The following ZNF235 variants were observed in gnomAD, a reference collection of about 807,000 sequenced individuals.
ZNF235 encodes the protein zinc finger protein 235, also known as zfp-93.
In ZNF235, 25 loss-of-function variants were observed where a neutral mutation model predicts 29.4. The ratio of observed to expected loss-of-function variants is 0.85; its 90% CI spans 0.62 to 1.19. The LOEUF (loss-of-function observed/expected upper bound fraction) is 1.19, where lower values mean the gene tolerates loss of function less well. Ranked by LOEUF, ZNF235 falls within the 50% of genes most tolerant of loss-of-function variation. The pLI is 0.00. For missense variants in ZNF235, 788 were observed against 885.0 expected (o/e 0.89, Z 1.39); for synonymous variants, 300 against 295.3 (o/e 1.02, Z -0.16).
At chr19:44,293,243 T>C (rs1282445393) in intron 4 of ZNF235, among the ~76,000 whole-genome samples, 2 of 152,202 alleles carry the variant, frequency 1.3e-5, no homozygotes, top group South Asian at 2.1e-4. Flanking sequence ...TAGAAAAAGA[T>C]ATTCCATGCA....
chr19:44,298,767 A>G, intron 4 of ZNF235, 41 bp downstream of exon 4: 1 of 1,412,976 alleles, frequency 7.1e-7, no homozygotes, highest in East Asian at 2.3e-5. Flanking sequence ...TAAAGGAAAA[A>G]TAACAGCTGT....
At chr19:44,303,002 A>G (rs1975771073) in intron 2 of ZNF235, among the ~76,000 whole-genome samples, 5 of 135,716 alleles carry the variant, frequency 3.7e-5, no homozygotes, top group East Asian at 2.0e-4. Flanking sequence ...ATATATACAT[A>G]TATACGTATA....
chr19:44,287,753 T>C lies in ZNF235; in HGVS notation c.1682A>G (p.His561Arg). ...RFNWSLNLHN[H>R]QRVHTGEKPY... Reference sequence around the variant, plus strand: ...TTTCTCTCCGGTGTGGACTCTCTGATGATTGTGAAGATTCAAGCTCCAATT... The same window carrying C: ...TTTCTCTCCGGTGTGGACTCTCTGACGATTGTGAAGATTCAAGCTCCAATT... The change falls in exon 5 of 5, where the codon CAT becomes CGT. Residue 561 changes from histidine (H) to arginine (R), a missense_variant. Transcript: ENST00000291182. 1 of 1,614,128 alleles carries C rather than the reference T, an allele frequency of 6.2e-7. No homozygotes were observed. The highest frequency in any genetic ancestry group is 8.5e-7 in the Non-Finnish European group (1 of 1,180,018).
chr19:44,301,628 G>A (rs940266524), intron 2 of ZNF235, among the ~76,000 whole-genome samples: 5 of 151,984 alleles, frequency 3.3e-5, no homozygotes, highest in South Asian at 2.1e-4. Flanking sequence ...GCGCCACCAC[G>A]CCCAGCTAAT....
intron 4 of ZNF235, among the ~76,000 whole-genome samples, chr19:44,291,823 T>C (rs185999509): frequency 2.9e-4 from 44 of 152,044 alleles, no homozygotes; most frequent in Admixed American, 1.8e-3. Context: ...ACCAAACATA[T>C]AAGGAAGAAA....
intron 4 of ZNF235, among the ~76,000 whole-genome samples, chr19:44,293,579 C>G (rs1445642648): frequency 5.9e-5 from 9 of 152,014 alleles, no homozygotes; most frequent in Admixed American, 5.9e-4. Context: ...ATGGAGCTAA[C>G]AGACATTTAC....
chr19:44,289,246 G>A, intron 4 of ZNF235, 50 bp from the exon 5 acceptor site: 1 of 1,481,846 alleles, frequency 6.7e-7, no homozygotes, highest in Non-Finnish European at 9.0e-7. Flanking sequence ...ACTGACATTA[G>A]CAAAGTAGAG....
At position 44,288,600 on chromosome 19, in the gene ZNF235, C is replaced by G. The variant is rs1363054622; in HGVS notation, c.835G>C (p.Glu279Gln). The G allele has an allele frequency of 6.2e-7, 1 of 1,614,098 alleles. No individual in the cohort carries two copies. The highest frequency in any genetic ancestry group is 2.2e-5 in the East Asian group (1 of 44,882). ...CCCAAGTGTACCTGTTTATGAAGTT[C>G]AAGACTGGAGCTATCATTGAAGGCT... is the stretch of plus-strand genomic sequence containing the variant. ...EEAFNDSSSL[E>Q]LHKQVHLGKK... The change falls in exon 5 of 5, where the codon GAA (glutamate) becomes CAA (glutamine). Residue 279 changes from glutamate to glutamine, a missense_variant. Coordinates refer to ENST00000291182, the MANE Select transcript of ZNF235 (RefSeq NM_004234.4).
chr19:44,299,757 T>C, intron 2 of ZNF235, 25 bp from the exon 3 acceptor site: 1 of 1,613,430 alleles, frequency 6.2e-7, no homozygotes, highest in Non-Finnish European at 8.5e-7. Context: ...ACATGTAACC[T>C]CAATCTCACA....
At chr19:44,301,382 G>C in intron 2 of ZNF235, among the ~76,000 whole-genome samples, 1 of 152,120 alleles carries the variant, frequency 6.6e-6, no homozygotes, top group Non-Finnish European at 1.5e-5. Flanking sequence ...ATCTGGTGAA[G>C]AGCAATGTGA....
chr19:44,287,114 G>A lies in ZNF235; in HGVS notation c.*104C>T. 1 of 1,208,886 alleles carries A rather than the reference G, an allele frequency of 8.3e-7. No homozygotes were observed. The highest frequency in any genetic ancestry group is 1.1e-6 in the Non-Finnish European group (1 of 879,466). The allele number at this position is 1,208,886 out of a possible 1,614,324, so 74.9% of individuals were successfully genotyped here. On this transcript the variant is annotated 3_prime_UTR_variant, in exon 5 of 5. Transcript: ENST00000291182. ...GACTTCTTTCCTGTCAAGATTCTTTGAAGCTTCTAGTTTTAAAGGAACTTT... is the reference window on the plus strand; with the variant it reads ...GACTTCTTTCCTGTCAAGATTCTTTAAAGCTTCTAGTTTTAAAGGAACTTT...
intron 1 of ZNF235, among the ~76,000 whole-genome samples, chr19:44,303,739 T>C (rs1432554974): frequency 1.3e-5 from 2 of 152,234 alleles, no homozygotes; most frequent in African/African-American, 4.8e-5. Flanking sequence ...GGCAGGGGAA[T>C]GTAACAGAGC....
At chr19:44,289,430 T>C in intron 4 of ZNF235, 3 of 448,434 alleles carry the variant, frequency 6.7e-6, no homozygotes, top group East Asian at 7.4e-5. Flanking sequence ...ATGGTTAAGG[T>C]GTATCTTGGG....
rs1426105475 is a variant in ZNF235, at chr19:44,289,111, G to T, written c.324C>A (p.Ile108=). The T allele has an allele frequency of 6.2e-7, 1 of 1,614,084 alleles. No homozygotes were observed. The highest frequency in any genetic ancestry group is 1.1e-5 in the South Asian group (1 of 91,078). The change falls in exon 5 of 5, where the codon ATC becomes ATA. Residue 108 remains isoleucine (I), a synonymous_variant. Coordinates refer to ENST00000291182, the MANE Select transcript of ZNF235 (RefSeq NM_004234.4). ...FSLGELSCWQ[I]KRHIASKLAR... ...CTAATTTGCTCGCAATGTGTCTCTT[G>T]ATTTGCCAGCATGAAAGCTCTCCCA...
rs768563031 is a variant in ZNF235 at position 44,287,801 on chromosome 19, C to T, written c.1634G>A (p.Cys545Tyr). Residue 545 changes from cysteine (C) to tyrosine (Y), a missense_variant, in exon 5 of 5, where the codon TGT becomes TAT. Physicochemically the swap from Cys to Tyr is radical, Grantham distance 194. Coordinates refer to ENST00000291182, the MANE Select transcript of ZNF235 (RefSeq NM_004234.4). ...ATTGAAGCGCTTCCCACACACTTCACATTTGTATGGTTTTTCTCCAGTGTG... is the reference window on the plus strand; with the variant it reads ...ATTGAAGCGCTTCCCACACACTTCATATTTGTATGGTTTTTCTCCAGTGTG... ...RVHTGEKPYK[C>Y]EVCGKRFNWS... is the part of the protein sequence containing the mutation. 1 of 1,614,106 alleles carries T rather than the reference C, an allele frequency of 6.2e-7. No individual in the cohort carries two copies. The highest frequency in any genetic ancestry group is 8.5e-7 in the Non-Finnish European group (1 of 1,180,026).
chr19:44,299,813 A>G, intron 2 of ZNF235, 81 bp from the exon 3 acceptor site: 1 of 1,601,278 alleles, frequency 6.2e-7, no homozygotes, highest in Admixed American at 1.7e-5. Flanking sequence ...TAGAGTTACT[A>G]TTCTTCCCCT....
At chr19:44,294,397 T>C (rs779641319) in intron 4 of ZNF235, among the ~76,000 whole-genome samples, 1 of 151,972 alleles carries the variant, frequency 6.6e-6, no homozygotes, top group Non-Finnish European at 1.5e-5. Flanking sequence ...AACAGACCAG[T>C]AATGAGCAGT....
At position 44,288,642 on chromosome 19, in the gene ZNF235, C is replaced by A. The variant is rs1261577007; in HGVS notation, c.793G>T (p.Gly265Cys). The A allele has an allele frequency of 1.2e-6, 2 of 1,613,906 alleles. No homozygotes were observed. Among genetic ancestry groups the A allele is most frequent in the Non-Finnish European group, 1.7e-6 (2 of 1,179,942 alleles). ...TTGAAGGCTTCTTCACATTCATTAC[C>A]CTGGTAGGTTTTCTGTCCTGTGTGA... ...SIHTGQKTYQ[G>C]NECEEAFNDS... is the part of the protein sequence containing the mutation. Residue 265 changes from glycine to cysteine, a missense_variant, in exon 5 of 5, where the codon GGT (glycine) becomes TGT (cysteine). Gly to Cys is a radical substitution (Grantham distance 159). Coordinates refer to ENST00000291182, the MANE Select transcript of ZNF235 (RefSeq NM_004234.4).
Position 44,288,506 on chromosome 19 carries a change from T to C in ZNF235, c.929A>G (p.Gln310Arg), listed in dbSNP as rs1975532179. 6.2e-7 allele frequency: 1 copy of C among 1,614,188 alleles called. No homozygotes were observed. The highest frequency in any genetic ancestry group is 1.3e-5 in the African/African-American group (1 of 75,066). Residue 310 changes from glutamine (Q) to arginine (R), a missense_variant, in exon 5 of 5, where the codon CAA becomes CGA. By Grantham distance (43) the Gln-to-Arg change is conservative. Coordinates refer to ENST00000291182, the MANE Select transcript of ZNF235 (RefSeq NM_004234.4). ...GCGTTTTTTCCCAGTACGAACACTTTGTTGAACAGGAATACCTGAGCTATA... is the reference window on the plus strand; with the variant it reads ...GCGTTTTTTCCCAGTACGAACACTTCGTTGAACAGGAATACCTGAGCTATA... ...TSYSSGIPVQ[Q>R]SVRTGKKRYW...
Sources: gnomAD v4.1 joint callset for allele counts (sites outside exome capture counted in the v4.1 genomes callset) on GRCh38, gnomAD v4.1.1 for gene constraint, MANE v1.5 for transcripts, NCBI Gene and HGNC (gene_info 2026-07-23, HGNC 2026-07-21) for gene names.